XIRP2: variants seen among roughly 807,000 people sequenced by gnomAD.
The protein encoded by XIRP2 is xin actin binding repeat containing 2, also known as xin actin-binding repeat-containing protein 2.
Under a neutral mutation model 277.0 loss-of-function variants are expected in XIRP2, and 236 were observed. The observed-to-expected ratio is 0.85, with a 90% CI of 0.77 to 0.95. XIRP2 has a LOEUF of 0.95. Ranked by LOEUF, XIRP2 falls within the 40% of genes least tolerant of loss-of-function variation. The pLI is 0.00. For missense variants in XIRP2, 4,640 were observed against 4,157.5 expected (o/e 1.12, Z -3.19); for synonymous variants, 1,490 against 1,416.5 (o/e 1.05, Z -1.17).
chr2:167,217,506 CT>C (rs1694291002), intron 4 of XIRP2, among the ~76,000 whole-genome samples: 1 of 152,000 alleles, frequency 6.6e-6, no homozygotes, highest in Non-Finnish European at 1.5e-5. Flanking sequence ...AGGGCCAGCA[CT>C]TCTGTTCTAG....
At chr2:167,077,110 C>T (rs1689592591) in intron 2 of XIRP2, among the ~76,000 whole-genome samples, 1 of 152,088 alleles carries the variant, frequency 6.6e-6, no homozygotes, top group African/African-American at 2.4e-5. Flanking sequence ...ACCTCAGCCT[C>T]CCAAAGTGCT....
At chr2:167,036,431 C>T (rs781517520) in intron 2 of XIRP2, among the ~76,000 whole-genome samples, 1 of 152,154 alleles carries the variant, frequency 6.6e-6, no homozygotes, top group Non-Finnish European at 1.5e-5. Context: ...ATTTGACTGC[C>T]TCACTGGATT....
In XIRP2 at chr2:167,251,333, C is replaced by A; in HGVS notation, c.9941C>A (p.Ala3314Glu). ...TCAGAGCACACACAGAGATATGAAG[C>A]GGCCAACCGAACTGTTCAAATGGCT... ...RLSEHTQRYE[A>E]ANRTVQMAEN... The change falls in exon 9 of 11, where the codon GCG becomes GAG. Residue 3314 changes from alanine (A) to glutamate (E), a missense_variant. Ala to Glu is a moderately radical substitution (Grantham distance 107). Transcript: ENST00000409195. 6.2e-7 allele frequency: 1 copy of A among 1,613,536 alleles called. No individual in the cohort carries two copies. The highest frequency in any genetic ancestry group is 8.5e-7 in the Non-Finnish European group (1 of 1,179,678).
At chr2:167,137,946 C>G (rs1432584824) in intron 3 of XIRP2, among the ~76,000 whole-genome samples, 1 of 152,152 alleles carries the variant, frequency 6.6e-6, no homozygotes, top group Non-Finnish European at 1.5e-5. Flanking sequence ...CAAGAATGAA[C>G]TATTTTAATA....
At chr2:167,129,424 C>T (rs1423545341) in intron 2 of XIRP2, among the ~76,000 whole-genome samples, 1 of 151,996 alleles carries the variant, frequency 6.6e-6, no homozygotes, top group Non-Finnish European at 1.5e-5. Context: ...TTTCAAATGC[C>T]TGGTAAGATG....
chr2:166,969,644 T>C (rs566440137), intron 2 of XIRP2, among the ~76,000 whole-genome samples: 63 of 152,010 alleles, frequency 4.1e-4, no homozygotes, highest in African/African-American at 1.1e-3. Context: ...GCATCCCAAC[T>C]GGGAAAGCAA....
At chr2:166,994,976 G>C (rs1445101448) in intron 2 of XIRP2, among the ~76,000 whole-genome samples, 1 of 151,744 alleles carries the variant, frequency 6.6e-6, no homozygotes, top group Non-Finnish European at 1.5e-5. Flanking sequence ...CCGCCTCCCG[G>C]GTTCAAGTGA....
At chr2:167,240,003 C>T (rs762048225) in intron 6 of XIRP2, 38 bp downstream of exon 6, 1 of 1,525,894 alleles carries the variant, frequency 6.6e-7, no homozygotes, top group Non-Finnish European at 8.8e-7. Flanking sequence ...AAACAGTTTC[C>T]AGGACTGTAT....
intron 2 of XIRP2, among the ~76,000 whole-genome samples, chr2:167,126,920 G>C (rs1691222925): frequency 6.6e-6 from 1 of 152,100 alleles, no homozygotes; most frequent in South Asian, 2.1e-4. Context: ...CACCATGCCT[G>C]ATATGTAATG....
intron 2 of XIRP2, among the ~76,000 whole-genome samples, chr2:167,120,419 C>T (rs1248502641): frequency 6.6e-6 from 1 of 152,172 alleles, no homozygotes; most frequent in Non-Finnish European, 1.5e-5. Context: ...CATATTTCCA[C>T]CTTGTGATTC....
At position 167,243,737 on chromosome 2, in the gene XIRP2, T is replaced by C. The variant is rs1053350061; in HGVS notation, c.2345T>C (p.Ile782Thr). The C allele has an allele frequency of 1.1e-5, 17 of 1,613,954 alleles. No homozygotes were observed. The highest frequency in any genetic ancestry group is 1.3e-5 in the Non-Finnish European group (15 of 1,179,948). Residue 782 changes from isoleucine to threonine, a missense_variant, in exon 9 of 11, where the codon ATT becomes ACT. Ile to Thr is a moderately conservative substitution (Grantham distance 89). Transcript: ENST00000409195. ...WMFETQPLDTINKDITEIKVV... is the reference protein window; with the variant it reads ...WMFETQPLDTTNKDITEIKVV... ...TTTGAAACACAGCCGTTGGACACAA[T>C]TAACAAAGATATCACAGAAATTAAA...
chr2:167,022,478 T>G (rs2105487027), intron 2 of XIRP2, among the ~76,000 whole-genome samples: 1 of 152,306 alleles, frequency 6.6e-6, no homozygotes, highest in Admixed American at 6.5e-5. Flanking sequence ...CTTTAAGTTT[T>G]AGGGTACATG....
Position 167,033,687 on chromosome 2 carries a change from T to C in XIRP2, c.409-102222T>C, listed in dbSNP as rs1688427095. On this transcript the variant is annotated intron_variant, in intron 2 of 10. Coordinates refer to ENST00000409195, the MANE Select transcript of XIRP2 (RefSeq NM_152381.6). ...AGCTCCAATACATCTGGCAGCAGAC[T>C]TCTCAGTGGAAACCTTACAGGCCAA... 2.0e-5 allele frequency among the ~76,000 whole-genome samples: 3 copies of C among 152,108 alleles called. No individual in the cohort carries two copies. In the South Asian group the frequency reaches 6.2e-4, roughly 32 times the overall value.
intron 3 of XIRP2, among the ~76,000 whole-genome samples, chr2:167,181,801 C>G (rs1693017288): frequency 6.6e-6 from 1 of 152,082 alleles, no homozygotes; most frequent in Admixed American, 6.5e-5. Context: ...ATATTGGGAG[C>G]CAGATCATTA....
chr2:167,001,331 C>T (rs1295772977), intron 2 of XIRP2, among the ~76,000 whole-genome samples: 1 of 151,872 alleles, frequency 6.6e-6, no homozygotes, highest in Non-Finnish European at 1.5e-5. Context: ...TTCTGAAAGG[C>T]CACAATAAAA....
chr2:166,903,898 GC>G lies in XIRP2; in HGVS notation c.408+10del. On this transcript the variant is annotated intron_variant, in intron 2 of 10. Coordinates refer to ENST00000409195, the MANE Select transcript of XIRP2 (RefSeq NM_152381.6). ...GCTGAGTACGGTGGAAAGGTAAGGA[GC>G]CATTGATTGAGAGTCTATGTTTACA... The G allele has an allele frequency of 6.2e-7, 1 of 1,607,218 alleles. No individual in the cohort carries two copies. Among genetic ancestry groups the G allele is most frequent in the East Asian group, 2.2e-5 (1 of 44,672 alleles).
intron 2 of XIRP2, among the ~76,000 whole-genome samples, chr2:167,085,501 T>A (rs1199752056): frequency 6.6e-6 from 1 of 151,906 alleles, no homozygotes; most frequent in Non-Finnish European, 1.5e-5. Flanking sequence ...GTATCCTTGT[T>A]GACTTTCTGT....
intron 2 of XIRP2, among the ~76,000 whole-genome samples, chr2:167,039,584 TAC>T (rs1688608019): frequency 6.6e-6 from 1 of 151,978 alleles, no homozygotes; most frequent in African/African-American, 2.4e-5. Context: ...CACAAACACA[TAC>T]ACAATCTCAC....
intron 3 of XIRP2, among the ~76,000 whole-genome samples, chr2:167,173,754 T>C (rs1672424530): frequency 6.6e-6 from 1 of 152,230 alleles, no homozygotes; most frequent in Non-Finnish European, 1.5e-5. Context: ...ACTTACAGTG[T>C]ACTAGGGTTC....
Sources: allele counts gnomAD v4.1 joint callset (sites outside exome capture counted in the v4.1 genomes callset), GRCh38; gene constraint gnomAD v4.1.1; transcripts MANE v1.5; gene names NCBI Gene and HGNC (gene_info 2026-07-23, HGNC 2026-07-21).